ARID5B: variants seen among roughly 807,000 people sequenced by gnomAD.
ARID5B encodes AT-rich interactive domain-containing protein 5B.
A neutral mutation model predicts 97.2 loss-of-function variants in ARID5B; 13 were observed. The ratio of observed to expected loss-of-function variants is 0.13; its 90% confidence interval spans 0.09 to 0.21. The LOEUF (loss-of-function observed/expected upper bound fraction) is 0.21, where lower values mean the gene tolerates loss of function less well. Among genes scored for constraint, ARID5B ranks in the 10% least tolerant of loss-of-function variants. ARID5B has a pLI of 1.00. For missense variants in ARID5B, 1,210 were observed against 1,465.3 expected, an observed-to-expected ratio of 0.83 and a Z score of 2.84; for synonymous variants, 556 against 570.3, an observed-to-expected ratio of 0.97 and a Z score of 0.36.
chr10:62,068,625 G>A lies in ARID5B; in HGVS notation c.1102-1075G>A, dbSNP rs550834134. On this transcript the variant is annotated intron_variant, in intron 7 of 9. Transcript: ENST00000279873. ...ATTTTTCAAAAGAAGCCTCCTGCTTGACTGTATTAAATTCCACTGGCACCT... is the reference window on the plus strand; with the variant it reads ...ATTTTTCAAAAGAAGCCTCCTGCTTAACTGTATTAAATTCCACTGGCACCT... Among the ~76,000 whole-genome samples the A allele has an allele frequency of 2.6e-5, 4 of 151,592 alleles. No homozygotes were observed. The East Asian group carries it at 7.8e-4, about 29-fold the overall frequency.
rs544341541 is a variant in ARID5B, at chr10:61,954,434, G to A, written c.502+14026G>A. ...TTTCGATGCTAAAATTTACCTGTGT[G>A]TATTGTCCTACAGACCTGCTTTTTA... is the stretch of plus-strand genomic sequence containing the variant. On this transcript the variant is annotated intron_variant, in intron 3 of 9. Coordinates refer to ENST00000279873, the MANE Select transcript of ARID5B (RefSeq NM_032199.3). Among the ~76,000 whole-genome samples, 85 of 152,202 alleles carry A rather than the reference G, an allele frequency of 5.6e-4. 2 individuals are homozygous for A. In the South Asian group the frequency reaches 0.01, roughly 19 times the overall value.
chr10:62,092,223 G>T lies in ARID5B; in HGVS notation c.2760G>T (p.Lys920Asn), dbSNP rs1243138820. ...LPKNPHKPTG[K>N]VLGLAHSTTG... ...AGAACCCGCACAAACCTACCGGCAA[G>T]GTCCTGGGCCTGGCTCATTCCACCA... is the stretch of plus-strand genomic sequence containing the variant. Residue 920 changes from lysine to asparagine, a missense_variant, in exon 10 of 10, where the codon AAG becomes AAT. This residue lies in a region of ARID5B where 800 missense variants were observed against 839.1 expected (regional missense o/e 0.95). Coordinates refer to ENST00000279873, the MANE Select transcript of ARID5B (RefSeq NM_032199.3). 6.2e-7 allele frequency: 1 copy of T among 1,610,974 alleles called. No homozygotes were observed. The highest frequency in any genetic ancestry group is 1.7e-5 in the Admixed American group (1 of 59,516).
At chr10:61,962,827 CATTTATGGTCTT>C (rs1485659620) in intron 3 of ARID5B, among the ~76,000 whole-genome samples, 1 of 152,132 alleles carries the variant, frequency 6.6e-6, no homozygotes, top group Non-Finnish European at 1.5e-5. Context: ...CACCAAAAAG[CATTTATGGTCTT>C]AGAGTAAATG....
intron 2 of ARID5B, among the ~76,000 whole-genome samples, chr10:61,919,046 C>T (rs866649875): frequency 1.6e-5 from 2 of 124,456 alleles, no homozygotes; most frequent in South Asian, 3.2e-4. Flanking sequence ...TCCCCCCCCC[C>T]CCCCCCAAAA....
chr10:61,992,400 T>G (rs7089424), intron 3 of ARID5B, among the ~76,000 whole-genome samples: 48,660 of 151,986 alleles, frequency 0.32, 8,087 homozygotes, highest in South Asian at 0.49. Flanking sequence ...TAGTTTAGTT[T>G]TGTGATGTTT....
chr10:62,042,619 T>C (rs1015912787), intron 4 of ARID5B, among the ~76,000 whole-genome samples: 1 of 152,120 alleles, frequency 6.6e-6, no homozygotes, highest in African/African-American at 2.4e-5. Flanking sequence ...TTATAGAATA[T>C]GTGGAATTCT....
intron 8 of ARID5B, among the ~76,000 whole-genome samples, chr10:62,073,740 G>A (rs1331206115): frequency 6.6e-6 from 1 of 152,192 alleles, no homozygotes; most frequent in African/African-American, 2.4e-5. Flanking sequence ...CCCATCGCAA[G>A]GCTGTTGCTA....
chr10:62,037,777 A>C (rs1416987458), intron 4 of ARID5B, among the ~76,000 whole-genome samples: 1 of 152,260 alleles, frequency 6.6e-6, no homozygotes, highest in Non-Finnish European at 1.5e-5. Context: ...AAGAGTTGTC[A>C]TGTTTTGCTA....
intron 3 of ARID5B, among the ~76,000 whole-genome samples, chr10:61,941,644 A>G (rs1022117445): frequency 2.0e-5 from 3 of 151,990 alleles, no homozygotes; most frequent in African/African-American, 7.3e-5. Context: ...GTTTGTGATG[A>G]GCTGTGCTGT....
chr10:62,072,255 G>A (rs1840075105), intron 8 of ARID5B, among the ~76,000 whole-genome samples: 1 of 152,176 alleles, frequency 6.6e-6, no homozygotes, highest in Admixed American at 6.5e-5. Context: ...CAGAGGACAC[G>A]CGCTGAAACT....
At chr10:61,992,766 T>A (rs1279009408) in intron 3 of ARID5B, among the ~76,000 whole-genome samples, 1 of 152,152 alleles carries the variant, frequency 6.6e-6, no homozygotes, top group East Asian at 1.9e-4. Context: ...AAAAGTACAT[T>A]ATCTTTTTAT....
rs551750251 is a variant in ARID5B, at chr10:62,033,020, C to T, written c.734-17868C>T. Among the ~76,000 whole-genome samples the T allele has an allele frequency of 1.2e-4, 18 of 152,304 alleles. No individual in the cohort carries two copies. In the South Asian group the frequency reaches 3.5e-3, roughly 30 times the overall value. On this transcript the variant is annotated intron_variant, in intron 4 of 9. Coordinates refer to ENST00000279873, the MANE Select transcript of ARID5B (RefSeq NM_032199.3). ...CAACCTTCCTGAAAGATAAGTTTGTCTATACTGGGAACCCTACGACCAACA... is the reference window on the plus strand; with the variant it reads ...CAACCTTCCTGAAAGATAAGTTTGTTTATACTGGGAACCCTACGACCAACA...
chr10:61,912,966 G>C (rs1357148800), intron 2 of ARID5B, among the ~76,000 whole-genome samples: 1 of 152,206 alleles, frequency 6.6e-6, no homozygotes, highest in African/African-American at 2.4e-5. Flanking sequence ...CTAGAAATAA[G>C]GCAAATTAGC....
At chr10:61,918,686 C>CTT (rs1481938394) in intron 2 of ARID5B, among the ~76,000 whole-genome samples, 1 of 152,120 alleles carries the variant, frequency 6.6e-6, no homozygotes, top group Non-Finnish European at 1.5e-5. Flanking sequence ...TTTCCAGTCA[C>CTT]TTTGAAGGAG....
chr10:62,092,306 G>A lies in ARID5B; in HGVS notation c.2843G>A (p.Arg948Gln). 6.2e-7 allele frequency: 1 copy of A among 1,610,082 alleles called. No homozygotes were observed. The highest frequency in any genetic ancestry group is 8.5e-7 in the Non-Finnish European group (1 of 1,178,156). Residue 948 changes from arginine to glutamine, a missense_variant, in exon 10 of 10, where the codon CGA becomes CAA. By Grantham distance (43) the Arg-to-Gln change is conservative. This residue lies in a region of ARID5B where 800 missense variants were observed against 839.1 expected (regional missense o/e 0.95). Transcript: ENST00000279873. ...SQFQVLGSQS[R>Q]DCHPKACRVS... is the part of the protein sequence containing the mutation. ...TTCCAGGTCTTAGGCAGCCAGAGTC[G>A]AGACTGTCACCCCAAAGCCTGTCGG...
At position 61,978,671 on chromosome 10, in the gene ARID5B, T is replaced by C. The variant is rs1328564527; in HGVS notation, c.503-21420T>C. 2.0e-5 allele frequency among the ~76,000 whole-genome samples: 3 copies of C among 152,356 alleles called. No individual in the cohort carries two copies. In the East Asian group the frequency reaches 5.8e-4, roughly 29 times the overall value. On this transcript the variant is annotated intron_variant, in intron 3 of 9. Coordinates refer to ENST00000279873, the MANE Select transcript of ARID5B (RefSeq NM_032199.3). ...ATTTGGCTCTCTGTTTGTCTGTTAT[T>C]GGTATATAAGAATGCTTGTGATTTT...
chr10:62,066,498 G>A (rs754343004), intron 7 of ARID5B, among the ~76,000 whole-genome samples: 25 of 152,170 alleles, frequency 1.6e-4, no homozygotes, highest in African/African-American at 7.2e-5. Context: ...GGCCAGACCT[G>A]TCTTCACTCC....
chr10:62,087,022 C>T (rs965859628), intron 9 of ARID5B, among the ~76,000 whole-genome samples: 8 of 152,108 alleles, frequency 5.3e-5, no homozygotes, highest in South Asian at 2.1e-4. Context: ...TAAGTGTGGC[C>T]GGGCGCGGTG....
chr10:62,026,764 C>T (rs1839425802), intron 4 of ARID5B, among the ~76,000 whole-genome samples: 1 of 152,140 alleles, frequency 6.6e-6, no homozygotes, highest in Non-Finnish European at 1.5e-5. Flanking sequence ...ACTTTAACCC[C>T]TAAACATCAC....
Sources: allele counts gnomAD v4.1 joint callset (sites outside exome capture counted in the v4.1 genomes callset), GRCh38; gene constraint gnomAD v4.1.1; regional missense constraint gnomAD v4.1.1; transcripts MANE v1.5; gene names NCBI Gene and HGNC (gene_info 2026-07-23, HGNC 2026-07-21).